Variants in PRORP observed in about 807,000 individuals in gnomAD.
PRORP encodes the protein mitochondrial ribonuclease P catalytic subunit.
A neutral mutation model predicts 59.4 loss-of-function variants in PRORP; 51 were observed. The ratio of observed to expected loss-of-function variants is 0.86; its 90% CI spans 0.69 to 1.08. The LOEUF (loss-of-function observed/expected upper bound fraction) is 1.08. PRORP is among the 50% of genes least tolerant of loss of function. The pLI, the probability that PRORP is intolerant of heterozygous loss-of-function variation, is 0.00. For synonymous variants in PRORP, 231 were observed against 245.6 expected (o/e 0.94, Z 0.55); for missense variants, 646 against 690.3 (o/e 0.94, Z 0.72).
chr14:35,275,936 C>T lies in PRORP; in HGVS notation c.*2370C>T, dbSNP rs751036851. ...GATGACCTGGCTTCCCTGAATCCCA[C>T]GGCTAGTTAGTGCAGACATTTCAGC... On this transcript the variant is annotated 3_prime_UTR_variant, in exon 8 of 8. Transcript: ENST00000534898. The T allele has an allele frequency of 2.0e-5, 3 of 152,266 alleles. No individual in the cohort carries two copies. Among genetic ancestry groups the T allele is most frequent in the East Asian group, 1.9e-4 (1 of 5,196 alleles). The allele number at this position is 152,266 out of a possible 1,614,324, so 9.4% of individuals were successfully genotyped here.
At chr14:35,240,294 CTTTTTTTTT>C (rs3058452) in intron 5 of PRORP, among the ~76,000 whole-genome samples, 1 of 109,430 alleles carries the variant, frequency 9.1e-6, no homozygotes, top group Non-Finnish European at 1.8e-5. Flanking sequence ...TTTAAACCAT[CTTTTTTTTT>C]TTTTTTTTTT....
At chr14:35,206,841 A>C (rs2049306766) in intron 5 of PRORP, among the ~76,000 whole-genome samples, 1 of 152,214 alleles carries the variant, frequency 6.6e-6, no homozygotes, top group African/African-American at 2.4e-5. Flanking sequence ...TTTCCATATT[A>C]AGATGCATAA....
At chr14:35,156,563 G>A (rs893657922) in intron 4 of PRORP, among the ~76,000 whole-genome samples, 10 of 152,168 alleles carry the variant, frequency 6.6e-5, no homozygotes, top group Middle Eastern at 3.2e-3. Context: ...TTCTCTCTAG[G>A]CTGATCACTG....
At chr14:35,217,484 G>A (rs1361310987) in intron 5 of PRORP, among the ~76,000 whole-genome samples, 3 of 141,228 alleles carry the variant, frequency 2.1e-5, no homozygotes, top group Non-Finnish European at 4.5e-5. Flanking sequence ...CTGGGTGACA[G>A]AGCAAGACTC....
chr14:35,178,421 T>C (rs1173467457), intron 4 of PRORP, among the ~76,000 whole-genome samples: 1 of 152,244 alleles, frequency 6.6e-6, no homozygotes, highest in Admixed American at 6.5e-5. Flanking sequence ...TGAATCTGGG[T>C]GCTCCTGTAT....
At chr14:35,211,726 A>G (rs548126079) in intron 5 of PRORP, among the ~76,000 whole-genome samples, 61 of 152,300 alleles carry the variant, frequency 4.0e-4, no homozygotes, top group African/African-American at 1.4e-3. Flanking sequence ...GGGCATCCTA[A>G]TATTTTTTTC....
intron 5 of PRORP, among the ~76,000 whole-genome samples, chr14:35,183,379 T>G: frequency 6.6e-6 from 1 of 152,134 alleles, no homozygotes; most frequent in Non-Finnish European, 1.5e-5. Flanking sequence ...ACTTAAAAAT[T>G]TTAAAAATAT....
At chr14:35,169,052 G>A (rs2048252694) in intron 4 of PRORP, among the ~76,000 whole-genome samples, 3 of 148,048 alleles carry the variant, frequency 2.0e-5, no homozygotes, top group Non-Finnish European at 3.0e-5. Flanking sequence ...ACCTTTTTAA[G>A]TTGAAAACTT....
intron 5 of PRORP, among the ~76,000 whole-genome samples, chr14:35,237,339 C>T (rs1426214668): frequency 6.6e-6 from 1 of 152,056 alleles, no homozygotes; most frequent in Non-Finnish European, 1.5e-5. Flanking sequence ...GCGATCCTCC[C>T]ACCTAGACCT....
chr14:35,218,760 A>G (rs1410053406), intron 5 of PRORP, among the ~76,000 whole-genome samples: 1 of 151,868 alleles, frequency 6.6e-6, no homozygotes, highest in Non-Finnish European at 1.5e-5. Context: ...TCCTGACCTC[A>G]AGTGATCCGC....
chr14:35,146,059 G>C (rs1183045108), intron 4 of PRORP, among the ~76,000 whole-genome samples: 2 of 151,976 alleles, frequency 1.3e-5, no homozygotes, highest in Admixed American at 1.3e-4. Context: ...TCAAACTCCT[G>C]ACCTCAGGTG....
chr14:35,207,938 T>C (rs1039783176), intron 5 of PRORP, among the ~76,000 whole-genome samples: 6 of 151,984 alleles, frequency 3.9e-5, no homozygotes, highest in Non-Finnish European at 5.9e-5. Flanking sequence ...GATCACAAGG[T>C]CAGGAGTTCA....
upstream of PRORP, chr14:35,122,309 A>G (rs117608773): frequency 3.6e-6 from 1 of 275,088 alleles, no homozygotes; most frequent in Admixed American, 4.6e-5. Flanking sequence ...CCAGGAGTTC[A>G]TTAGTTCCGG....
chr14:35,196,120 C>T (rs2049001981), intron 5 of PRORP, among the ~76,000 whole-genome samples: 1 of 152,110 alleles, frequency 6.6e-6, no homozygotes, highest in Admixed American at 6.6e-5. Flanking sequence ...ATAAATAAGT[C>T]AATAGAAATT....
chr14:35,150,927 T>A (rs1448652515), intron 4 of PRORP, among the ~76,000 whole-genome samples: 1 of 152,166 alleles, frequency 6.6e-6, no homozygotes, highest in Non-Finnish European at 1.5e-5. Flanking sequence ...ATACTTGACT[T>A]TTCTTGTGCT....
intron 4 of PRORP, among the ~76,000 whole-genome samples, chr14:35,167,497 G>A (rs2048213187): frequency 6.6e-6 from 1 of 152,178 alleles, no homozygotes; most frequent in African/African-American, 2.4e-5. Context: ...TTAGTTTACA[G>A]TACTGTTGCC....
chr14:35,153,948 A>G (rs961533478), intron 4 of PRORP, among the ~76,000 whole-genome samples: 1 of 152,236 alleles, frequency 6.6e-6, no homozygotes, highest in African/African-American at 2.4e-5. Context: ...AGTCACTGTT[A>G]TGAGTACTTT....
At chr14:35,186,760 T>TTTATTA (rs373658225) in intron 5 of PRORP, among the ~76,000 whole-genome samples, 1 of 151,432 alleles carries the variant, frequency 6.6e-6, no homozygotes, top group African/African-American at 2.4e-5. Flanking sequence ...CCCAGCTAAT[T>TTTATTA]TTATTATTAT....
upstream of PRORP, chr14:35,121,874 C>G (rs2046913409): frequency 6.2e-7 from 1 of 1,613,844 alleles, no homozygotes; most frequent in South Asian, 1.1e-5. Flanking sequence ...CCGGGCCATC[C>G]CAACGGGCTG....
Sources: gnomAD v4.1 joint callset for allele counts (sites outside exome capture counted in the v4.1 genomes callset) on GRCh38, gnomAD v4.1.1 for gene constraint, MANE v1.5 for transcripts, NCBI Gene and HGNC (gene_info 2026-07-23, HGNC 2026-07-21) for gene names.